The following RANBP2 variants were observed in gnomAD, a reference collection of about 807,000 sequenced individuals.
RANBP2 encodes E3 SUMO-protein ligase RanBP2.
In RANBP2, 57 loss-of-function variants were observed where a neutral mutation model predicts 303.6. That is an observed-to-expected ratio of 0.19 (90% CI 0.15 to 0.23). The LOEUF (loss-of-function observed/expected upper bound fraction) is 0.23, where lower values mean the gene tolerates loss of function less well. RANBP2 is among the 10% of genes least tolerant of loss of function. RANBP2 has a pLI of 1.00. For synonymous variants in RANBP2, 1,167 were observed against 1,301.5 expected, an observed-to-expected ratio of 0.90 and a Z score of 2.23; for missense variants, 3,138 against 3,780.8, an observed-to-expected ratio of 0.83 and a Z score of 4.46.
the RANBP2 span, among the ~76,000 whole-genome samples, chr2:109,362,004 CT>C: frequency 1.3e-5 from 2 of 151,840 alleles, no homozygotes; most frequent in Non-Finnish European, 1.5e-5. Flanking sequence ...TTTTATTGAT[CT>C]TTTTAAAGAT....
At chr2:108,958,119 C>T in the RANBP2 span, among the ~76,000 whole-genome samples, 1 of 152,182 alleles carries the variant, frequency 6.6e-6, no homozygotes, top group African/African-American at 2.4e-5. Flanking sequence ...CACACCCCTG[C>T]ACTTTCATCC....
At chr2:108,804,864 G>A in the RANBP2 span, 1 of 1,481,812 alleles carries the variant, frequency 6.7e-7, no homozygotes, top group Non-Finnish European at 8.9e-7. Context: ...AGTTTTAGAT[G>A]AGAGTTTTTT....
chr2:108,781,922 A>G (rs528640909), intron 26 of RANBP2, among the ~76,000 whole-genome samples: 13 of 152,368 alleles, frequency 8.5e-5, no homozygotes, highest in African/African-American at 3.1e-4. Flanking sequence ...ATTATATAAA[A>G]GAAAATGTTT....
the RANBP2 span, among the ~76,000 whole-genome samples, chr2:109,112,677 C>A: frequency 6.6e-6 from 1 of 152,068 alleles, no homozygotes; most frequent in Non-Finnish European, 1.5e-5. Flanking sequence ...GTTGCCATTG[C>A]TTTTGGTGTT....
chr2:108,847,317 C>A, the RANBP2 span, among the ~76,000 whole-genome samples: 1 of 152,164 alleles, frequency 6.6e-6, no homozygotes, highest in Non-Finnish European at 1.5e-5. Flanking sequence ...CTCCCACAAC[C>A]ATGCTCATTT....
chr2:108,875,673 CA>C, the RANBP2 span, among the ~76,000 whole-genome samples: 1 of 152,070 alleles, frequency 6.6e-6, no homozygotes, highest in Non-Finnish European at 1.5e-5. Context: ...GCCTTAGCAA[CA>C]TAGTGACACC....
chr2:108,964,898 C>T, the RANBP2 span, among the ~76,000 whole-genome samples: 1 of 152,214 alleles, frequency 6.6e-6, no homozygotes, highest in Non-Finnish European at 1.5e-5. Flanking sequence ...AATAACAGCA[C>T]GTCTGGAATA....
chr2:109,336,165 C>T, the RANBP2 span, among the ~76,000 whole-genome samples: 3 of 152,150 alleles, frequency 2.0e-5, no homozygotes, highest in Non-Finnish European at 4.4e-5. Context: ...ATACTTACTA[C>T]TCTGGGAAGT....
At chr2:108,893,323 T>A in the RANBP2 span, among the ~76,000 whole-genome samples, 3 of 152,198 alleles carry the variant, frequency 2.0e-5, no homozygotes, top group Admixed American at 2.0e-4. Context: ...CAAAATCAAA[T>A]TTAACAGTAG....
At chr2:109,283,933 G>A in the RANBP2 span, among the ~76,000 whole-genome samples, 1 of 152,118 alleles carries the variant, frequency 6.6e-6, no homozygotes, top group Admixed American at 6.5e-5. Flanking sequence ...ATCTCACTTG[G>A]GGAGGCCGTG....
Position 108,767,713 on chromosome 2 carries a change from T to C in RANBP2, c.7174T>C (p.Leu2392=), listed in dbSNP as rs759880676. Residue 2392 remains leucine, a synonymous_variant, in exon 20 of 29, where the codon TTG becomes CTG. Coordinates refer to ENST00000283195, the MANE Select transcript of RANBP2 (RefSeq NM_006267.5). ...TCACAGAATAACTCCAGACATGACT[T>C]TGCAAAATATGAAAGGGACAGAAAG... ...ANHRITPDMT[L]QNMKGTERVW... 1 of 1,612,028 alleles carries C rather than the reference T, an allele frequency of 6.2e-7. No homozygotes were observed. Among genetic ancestry groups the C allele is most frequent in the East Asian group, 2.2e-5 (1 of 44,888 alleles).
Position 108,768,193 on chromosome 2 carries a change from C to T in RANBP2, c.7654C>T (p.Pro2552Ser), listed in dbSNP as rs140528920. The T allele has an allele frequency of 1.8e-5, 29 of 1,611,964 alleles. No homozygotes were observed. The highest frequency in any genetic ancestry group is 8.3e-5 in the Admixed American group (5 of 60,018). Reference sequence around the variant, plus strand: ...TTTGTTTGGATTTAGTTTTAATGCACCTTTGAAAAGTAACAATAGTGAAAC... The same window carrying T: ...TTTGTTTGGATTTAGTTTTAATGCATCTTTGAAAAGTAACAATAGTGAAAC... The part of the protein sequence containing the change: ...GSLFGFSFNA[P>S]LKSNNSETSS... The change falls in exon 20 of 29, where the codon CCT becomes TCT. Residue 2552 changes from proline to serine, a missense_variant. Physicochemically the swap from Pro to Ser is moderately conservative, Grantham distance 74. Around this residue, in one of 20 missense-constraint regions of RANBP2, gnomAD observed 497 missense variants for 465.8 expected, o/e 1.07. Coordinates refer to ENST00000283195, the MANE Select transcript of RANBP2 (RefSeq NM_006267.5).
chr2:108,875,582 G>A, the RANBP2 span, among the ~76,000 whole-genome samples: 1 of 152,150 alleles, frequency 6.6e-6, no homozygotes, highest in Non-Finnish European at 1.5e-5. Context: ...TCCAGGCTGG[G>A]CACAGTGGTT....
At chr2:109,613,233 A>T in the RANBP2 span, 1 of 1,263,172 alleles carries the variant, frequency 7.9e-7, no homozygotes, top group Non-Finnish European at 1.0e-6. Context: ...AAGTAACTGG[A>T]AAGGTTCAAA....
At chr2:108,877,328 C>T in the RANBP2 span, among the ~76,000 whole-genome samples, 4 of 151,432 alleles carry the variant, frequency 2.6e-5, no homozygotes, top group Admixed American at 6.6e-5. Flanking sequence ...ATTAGCCAGG[C>T]GGTGATGGGC....
chr2:109,215,468 G>A, the RANBP2 span, among the ~76,000 whole-genome samples: 1 of 152,078 alleles, frequency 6.6e-6, no homozygotes, highest in Non-Finnish European at 1.5e-5. Flanking sequence ...TACACCATCA[G>A]AACAGGGGTG....
the RANBP2 span, among the ~76,000 whole-genome samples, chr2:109,510,020 C>T: frequency 8.5e-5 from 13 of 152,130 alleles, no homozygotes; most frequent in African/African-American, 3.1e-4. Flanking sequence ...TAGAGGGTGT[C>T]CGGGTCTTAT....
the RANBP2 span, chr2:109,503,483 G>A: frequency 6.6e-6 from 1 of 152,138 alleles, no homozygotes; most frequent in Non-Finnish European, 1.5e-5. Flanking sequence ...ACTCAAAGAA[G>A]TTGTTCAGAA....
chr2:109,141,042 A>G, the RANBP2 span, among the ~76,000 whole-genome samples: 156 of 152,256 alleles, frequency 1.0e-3, no homozygotes, highest in African/African-American at 3.6e-3. Context: ...GGTGTGAGCC[A>G]TTTACATCAG....
Sources: allele counts gnomAD v4.1 joint callset (sites outside exome capture counted in the v4.1 genomes callset), GRCh38; gene constraint gnomAD v4.1.1; regional missense constraint gnomAD v4.1.1; transcripts MANE v1.5; gene names NCBI Gene and HGNC (gene_info 2026-07-23, HGNC 2026-07-21).